The following MBNL1 variants were observed in gnomAD, a reference collection of about 807,000 sequenced individuals.
The protein encoded by MBNL1 is muscleblind-like protein 1.
Under a neutral mutation model 42.2 loss-of-function variants are expected in MBNL1, and 8 were observed. That is an observed-to-expected ratio of 0.19 (90% CI 0.11 to 0.34). MBNL1 has a LOEUF of 0.34. MBNL1 is among the 10% of genes least tolerant of loss of function. MBNL1 has a pLI of 1.00. For missense variants in MBNL1, 309 were observed against 495.3 expected (o/e 0.62, Z 3.57); for synonymous variants, 169 against 173.9 (o/e 0.97, Z 0.22).
chr3:152,404,297 A>C (rs925508621), intron 2 of MBNL1, among the ~76,000 whole-genome samples: 1 of 152,244 alleles, frequency 6.6e-6, no homozygotes, highest in African/African-American at 2.4e-5. Context: ...AGCACTAATT[A>C]TATGCATAAT....
At chr3:152,335,771 T>C (rs2089546739) in intron 2 of MBNL1, among the ~76,000 whole-genome samples, 1 of 152,134 alleles carries the variant, frequency 6.6e-6, no homozygotes, top group Non-Finnish European at 1.5e-5. Flanking sequence ...GAGATGTAGG[T>C]CAAATTTTCT....
chr3:152,419,685 T>TTTTGTTTGTTTGTTTG (rs137968164), intron 3 of MBNL1, among the ~76,000 whole-genome samples: 4 of 149,194 alleles, frequency 2.7e-5, no homozygotes, highest in African/African-American at 9.9e-5. Context: ...GCAGGAGTTT[T>TTTTGTTTGTTTGTTTG]TTTGTTTGTT....
At chr3:152,381,798 A>G (rs2097190258) in intron 2 of MBNL1, among the ~76,000 whole-genome samples, 1 of 152,072 alleles carries the variant, frequency 6.6e-6, no homozygotes, top group Non-Finnish European at 1.5e-5. Context: ...AGAAAAGGCT[A>G]TGGTTTGTTC....
At chr3:152,439,695 A>G (rs1580510594) in intron 4 of MBNL1, among the ~76,000 whole-genome samples, 1 of 152,114 alleles carries the variant, frequency 6.6e-6, no homozygotes, top group African/African-American at 2.4e-5. Context: ...GAGTATAGTA[A>G]TTGCTATATT....
At chr3:152,293,013 C>G (rs1445931050) in intron 1 of MBNL1, among the ~76,000 whole-genome samples, 1 of 152,150 alleles carries the variant, frequency 6.6e-6, no homozygotes, top group Non-Finnish European at 1.5e-5. Context: ...AAGCAGTCCT[C>G]CACTTCAGCC....
chr3:152,283,303 G>A (rs978754038), intron 1 of MBNL1, among the ~76,000 whole-genome samples: 2 of 152,070 alleles, frequency 1.3e-5, no homozygotes, highest in African/African-American at 4.8e-5. Context: ...CAAGACAAAT[G>A]TTACTTTAAT....
intron 7 of MBNL1, 35 bp downstream of exon 7, chr3:152,455,612 C>A (rs747016452): frequency 2.5e-6 from 4 of 1,600,528 alleles, no homozygotes; most frequent in Non-Finnish European, 3.4e-6. Flanking sequence ...TTATCTTAAA[C>A]CTATGGTGTA....
intron 2 of MBNL1, among the ~76,000 whole-genome samples, chr3:152,330,365 C>T (rs542169125): frequency 2.6e-5 from 4 of 152,178 alleles, no homozygotes; most frequent in African/African-American, 9.6e-5. Flanking sequence ...CTCCCAAAGT[C>T]CTGGGATTAC....
chr3:152,269,041 C>A lies in MBNL1; in HGVS notation c.-841C>A, dbSNP rs1442455614. 2.2e-6 allele frequency: 1 copy of A among 456,076 alleles called. No homozygotes were observed. The highest frequency in any genetic ancestry group is 2.0e-5 in the African/African-American group (1 of 50,068). 28.3% of individuals were successfully genotyped at this position (456,076 alleles called of 1,614,324 possible). A position where few individuals can be genotyped will look rare whatever the true frequency, so the allele number is the denominator to read the frequency against. ...TCTTGGAATCATGACTCCCACAATG[C>A]CTTGGGCACTTGGTCGACAGTGGGG... On this transcript the variant is annotated 5_prime_UTR_variant, in exon 1 of 10. Transcript: ENST00000324210.
At chr3:152,278,936 A>G (rs1041080873) in intron 1 of MBNL1, among the ~76,000 whole-genome samples, 2 of 152,268 alleles carry the variant, frequency 1.3e-5, no homozygotes, top group South Asian at 4.1e-4. Flanking sequence ...AAGGCACTAT[A>G]CAAGTTAGTA....
At chr3:152,373,351 A>T (rs1192275093) in intron 2 of MBNL1, among the ~76,000 whole-genome samples, 1 of 148,596 alleles carries the variant, frequency 6.7e-6, no homozygotes, top group Non-Finnish European at 1.5e-5. Flanking sequence ...GAAAAAAAAA[A>T]AAAAAAAAAA....
At chr3:152,451,990 A>G (rs542882386) in intron 6 of MBNL1, among the ~76,000 whole-genome samples, 1 of 152,310 alleles carries the variant, frequency 6.6e-6, no homozygotes, top group East Asian at 1.9e-4. Context: ...GTCTCTCAAT[A>G]TCTATTACAC....
At chr3:152,328,826 T>C (rs186842356) in intron 2 of MBNL1, among the ~76,000 whole-genome samples, 76 of 152,292 alleles carry the variant, frequency 5.0e-4, no homozygotes, top group African/African-American at 1.7e-3. Context: ...ATTTACTCTA[T>C]CAAAAGATTA....
chr3:152,268,600 G>A (rs1018425684), upstream of MBNL1: 2 of 377,656 alleles, frequency 5.3e-6, no homozygotes, highest in African/African-American at 2.1e-5. Flanking sequence ...AATGCTGAAC[G>A]CATGAGATGG....
At chr3:152,411,219 G>A (rs2098555280) in intron 2 of MBNL1, among the ~76,000 whole-genome samples, 1 of 152,140 alleles carries the variant, frequency 6.6e-6, no homozygotes, top group Non-Finnish European at 1.5e-5. Flanking sequence ...GGAGCTACCT[G>A]TACCTATCAA....
intron 2 of MBNL1, among the ~76,000 whole-genome samples, chr3:152,364,947 T>A (rs2096262933): frequency 6.6e-6 from 1 of 151,932 alleles, no homozygotes; most frequent in South Asian, 2.1e-4. Flanking sequence ...TGCATGAAAA[T>A]GGACTGCTTC....
At chr3:152,382,350 C>T (rs1324756461) in intron 2 of MBNL1, among the ~76,000 whole-genome samples, 2 of 151,856 alleles carry the variant, frequency 1.3e-5, no homozygotes, top group African/African-American at 2.4e-5. Flanking sequence ...TGATAGAATC[C>T]GTGTTCCTCG....
rs553827926 is a variant in MBNL1 at position 152,362,111 on chromosome 3, A to G, written c.175-52830A>G. ...TGCTGCAAAACTCTTTCTGTTGAGTAAATGAGTAGGAATTAATCAATGACA... is the reference window on the plus strand; with the variant it reads ...TGCTGCAAAACTCTTTCTGTTGAGTGAATGAGTAGGAATTAATCAATGACA... On this transcript the variant is annotated intron_variant, in intron 2 of 9. Coordinates refer to ENST00000324210, the MANE Select transcript of MBNL1 (RefSeq NM_021038.5). Among the ~76,000 whole-genome samples the G allele has an allele frequency of 1.6e-3, 241 of 152,352 alleles. 2 individuals are homozygous for G. Among genetic ancestry groups the G allele is most frequent in the Non-Finnish European group, 5.3e-4 (36 of 68,038 alleles).
intron 4 of MBNL1, among the ~76,000 whole-genome samples, chr3:152,435,341 A>G (rs895949152): frequency 6.6e-6 from 1 of 151,948 alleles, no homozygotes; most frequent in Admixed American, 6.6e-5. Context: ...TTGGAGATCA[A>G]ATGGTTGTAA....
Sources: gnomAD v4.1 joint callset for allele counts (sites outside exome capture counted in the v4.1 genomes callset) on GRCh38, gnomAD v4.1.1 for gene constraint, MANE v1.5 for transcripts, NCBI Gene and HGNC (gene_info 2026-07-23, HGNC 2026-07-21) for gene names.